Variants in WDFY3 observed in about 807,000 individuals in gnomAD.
WDFY3 encodes WD repeat and FYVE domain-containing protein 3.
Under a neutral mutation model 409.6 loss-of-function variants are expected in WDFY3, and 66 were observed. The observed-to-expected ratio is 0.16, with a 90% confidence interval of 0.13 to 0.20. WDFY3 has a LOEUF of 0.20. Among genes scored for constraint, WDFY3 ranks in the 10% least tolerant of loss-of-function variants. The pLI is 1.00. For synonymous variants in WDFY3, 1,521 were observed against 1,537.1 expected, an observed-to-expected ratio of 0.99 and a Z score of 0.25; for missense variants, 3,031 against 4,298.1, an observed-to-expected ratio of 0.71 and a Z score of 8.24.
chr4:84,874,710 C>G (rs1762539798), intron 3 of WDFY3, among the ~76,000 whole-genome samples: 1 of 152,100 alleles, frequency 6.6e-6, no homozygotes, highest in African/African-American at 2.4e-5. Flanking sequence ...AAGTCTTCCC[C>G]AAATCTCCAG....
intron 65 of WDFY3, among the ~76,000 whole-genome samples, chr4:84,678,705 T>G (rs17376489): frequency 0.033 from 5,086 of 152,310 alleles, 85 homozygotes; most frequent in South Asian, 0.05. Context: ...CCCAGCATAT[T>G]GCAAACACCA....
intron 9 of WDFY3, among the ~76,000 whole-genome samples, chr4:84,827,993 T>C (rs1755099796): frequency 1.3e-5 from 2 of 150,192 alleles, no homozygotes; most frequent in Admixed American, 6.7e-5. Flanking sequence ...GAAACTGAGA[T>C]AGGAGGATCT....
At chr4:84,734,061 C>T (rs1426641201) in intron 43 of WDFY3, among the ~76,000 whole-genome samples, 4 of 152,168 alleles carry the variant, frequency 2.6e-5, no homozygotes, top group African/African-American at 9.7e-5. Context: ...GGCTTGATTA[C>T]TGGTGAACTA....
rs1055783188 is a variant in WDFY3 at position 84,684,684 on chromosome 4, G to C, written c.9544-559C>G. 3.3e-5 allele frequency among the ~76,000 whole-genome samples: 5 copies of C among 152,064 alleles called. No individual in the cohort carries two copies. In the East Asian group the frequency reaches 9.6e-4, roughly 29 times the overall value. On this transcript the variant is annotated intron_variant, in intron 62 of 67. Coordinates refer to ENST00000295888, the MANE Select transcript of WDFY3 (RefSeq NM_014991.6). ...ATTCAAAATAGGGGTGGGGGAATGT[G>C]GGGGGAGAAAAGGAAACTGGTAAAT...
chr4:84,956,745 G>T (rs1253748937), intron 1 of WDFY3, among the ~76,000 whole-genome samples: 3 of 152,008 alleles, frequency 2.0e-5, no homozygotes, highest in Non-Finnish European at 2.9e-5. Context: ...TCTTTACTAA[G>T]TAGGGCTTCA....
chr4:84,685,216 G>C (rs565893775), intron 62 of WDFY3, among the ~76,000 whole-genome samples: 1 of 152,126 alleles, frequency 6.6e-6, no homozygotes, highest in Admixed American at 6.6e-5. Context: ...AAAAACAGAG[G>C]AGAACTAGAA....
intron 30 of WDFY3, among the ~76,000 whole-genome samples, chr4:84,769,407 T>TTTA (rs997944996): frequency 5.3e-5 from 8 of 152,008 alleles, no homozygotes; most frequent in South Asian, 2.1e-4. Context: ...TTTTTTTGCT[T>TTTA]TTATTATTAT....
chr4:84,677,786 A>T (rs946607216), intron 66 of WDFY3, among the ~76,000 whole-genome samples: 1 of 151,736 alleles, frequency 6.6e-6, no homozygotes, highest in South Asian at 2.1e-4. Context: ...AACACGGTAA[A>T]ACCCCGTCTC....
intron 37 of WDFY3, among the ~76,000 whole-genome samples, chr4:84,742,324 T>G (rs1175413693): frequency 1.3e-5 from 2 of 152,206 alleles, no homozygotes; most frequent in East Asian, 3.8e-4. Context: ...TGTATAGCTC[T>G]AATAGCAGTG....
At chr4:84,760,413 A>G (rs375598443) in intron 32 of WDFY3, among the ~76,000 whole-genome samples, 1 of 151,996 alleles carries the variant, frequency 6.6e-6, no homozygotes, top group African/African-American at 2.4e-5. Flanking sequence ...GGTAGAATTC[A>G]GCTGTGAATC....
chr4:84,851,739 G>A lies in WDFY3; in HGVS notation c.181-1714C>T, dbSNP rs551925223. The stretch of plus-strand genomic sequence containing the variant: ...AAAAATATATATATTTAAGGAAGTA[G>A]TTCTATTCCTCATATTATACTAGTC... On this transcript the variant is annotated intron_variant, in intron 4 of 67. Coordinates refer to ENST00000295888, the MANE Select transcript of WDFY3 (RefSeq NM_014991.6). Among the ~76,000 whole-genome samples the A allele has an allele frequency of 2.0e-5, 3 of 152,152 alleles. No individual in the cohort carries two copies. The East Asian group carries it at 5.8e-4, about 29-fold the overall frequency.
chr4:84,753,858 C>T lies in WDFY3; in HGVS notation c.5578G>A (p.Glu1860Lys). 6.3e-7 allele frequency: 1 copy of T among 1,596,156 alleles called. No individual in the cohort carries two copies. Among genetic ancestry groups the T allele is most frequent in the Non-Finnish European group, 8.5e-7 (1 of 1,172,916 alleles). Residue 1860 changes from glutamate to lysine, a missense_variant, in exon 35 of 68, where the codon GAG becomes AAG. Transcript: ENST00000295888. The part of the protein sequence containing the change: ...MLTSPWQSEE[E>K]GSWLREYPVT... ...GGATATTCTCGGAGCCAAGATCCCT[C>T]TTCTTCTGATTGCCAAGGCTGTTAT...
In WDFY3 at chr4:84,794,905, C is replaced by T; in HGVS notation, c.3242G>A (p.Gly1081Glu). 2 of 1,580,376 alleles carry T rather than the reference C, an allele frequency of 1.3e-6. No homozygotes were observed. The highest frequency in any genetic ancestry group is 1.2e-5 in the South Asian group (1 of 82,688). Residue 1081 changes from glycine to glutamate, a missense_variant, in exon 20 of 68, where the codon GGG (glycine) becomes GAG (glutamate). Physicochemically the swap from Gly to Glu is moderately conservative, Grantham distance 98. Transcript: ENST00000295888. The part of the protein sequence containing the change: ...NNTVTTGLID[G>E]AVVSGIGSGE... ...AGAACCAATGCCACTGACCACAGCC[C>T]CATCAATAAGACCTGTTGTGACGGT...
intron 1 of WDFY3, among the ~76,000 whole-genome samples, chr4:84,943,316 ACC>A (rs1772380632): frequency 6.6e-6 from 1 of 151,988 alleles, no homozygotes; most frequent in East Asian, 1.9e-4. Context: ...CCTGGCTAAC[ACC>A]CAGTGAAACC....
intron 30 of WDFY3, among the ~76,000 whole-genome samples, chr4:84,772,327 A>C (rs1389504882): frequency 2.6e-5 from 4 of 152,192 alleles, no homozygotes; most frequent in Non-Finnish European, 4.4e-5. Context: ...TTCCAAAAAA[A>C]GTACTTGTCA....
intron 27 of WDFY3, 35 bp downstream of exon 27, chr4:84,778,468 T>G: frequency 6.7e-7 from 1 of 1,492,218 alleles, no homozygotes; most frequent in Non-Finnish European, 8.9e-7. Flanking sequence ...ATGCATTCAT[T>G]GATTATATAT....
chr4:84,754,023 C>T, intron 34 of WDFY3, 147 bp from the exon 35 acceptor site: 2 of 803,350 alleles, frequency 2.5e-6, no homozygotes, highest in Non-Finnish European at 3.4e-6. Flanking sequence ...AGCAAACACA[C>T]ATGTATACAC....
chr4:84,831,605 T>C lies in WDFY3; in HGVS notation c.577A>G (p.Ile193Val), dbSNP rs756384091. The C allele has an allele frequency of 8.2e-5, 131 of 1,599,422 alleles. No individual in the cohort carries two copies. Among genetic ancestry groups the C allele is most frequent in the Non-Finnish European group, 1.1e-4 (128 of 1,172,764 alleles). The change falls in exon 8 of 68, where the codon ATC becomes GTC. Residue 193 changes from isoleucine (I) to valine (V), a missense_variant and splice_region_variant. By Grantham distance (29) the Ile-to-Val change is conservative (BLOSUM62 3). Around this residue, in one of 16 missense-constraint regions of WDFY3, gnomAD observed 1,322 missense variants for 1,697.9 expected, o/e 0.78. Coordinates refer to ENST00000295888, the MANE Select transcript of WDFY3 (RefSeq NM_014991.6). ...RGLLQKVFVQ[I>V]LVKLCSFVSP... ...ACAAAACTGCACAGTTTCACTAAGA[T>C]CTAAAAAATAAAACAAAACAAAACA...
intron 35 of WDFY3, among the ~76,000 whole-genome samples, chr4:84,752,714 A>C (rs1308063006): frequency 6.6e-6 from 1 of 152,160 alleles, no homozygotes; most frequent in Admixed American, 6.5e-5. Context: ...ACCTTTATAC[A>C]TGGAGAAAAA....
Sources: allele counts gnomAD v4.1 joint callset (sites outside exome capture counted in the v4.1 genomes callset), GRCh38; gene constraint gnomAD v4.1.1; regional missense constraint gnomAD v4.1.1; transcripts MANE v1.5; gene names NCBI Gene and HGNC (gene_info 2026-07-23, HGNC 2026-07-21).